Variants in ITGB3BP observed in about 807,000 individuals in gnomAD.
ITGB3BP encodes the protein centromere protein R.
A neutral mutation model predicts 29.1 loss-of-function variants in ITGB3BP; 27 were observed. The observed-to-expected ratio is 0.93, with a 90% CI of 0.68 to 1.28. ITGB3BP has a LOEUF of 1.28. Among genes scored for constraint, ITGB3BP ranks in the 50% most tolerant of loss-of-function variants. The pLI is 0.00. For synonymous variants in ITGB3BP, 61 were observed against 61.4 expected (o/e 0.99, Z 0.03); for missense variants, 192 against 200.2 (o/e 0.96, Z 0.25).
intron 2 of ITGB3BP, among the ~76,000 whole-genome samples, chr1:63,503,143 T>C (rs1645981819): frequency 6.6e-6 from 1 of 152,122 alleles, no homozygotes; most frequent in African/African-American, 2.4e-5. Context: ...ACTGTAAAAG[T>C]GTTCCTATTT....
At chr1:63,459,532 A>C (rs1644982943) in intron 4 of ITGB3BP, among the ~76,000 whole-genome samples, 1 of 152,150 alleles carries the variant, frequency 6.6e-6, no homozygotes, top group Non-Finnish European at 1.5e-5. Context: ...ATTTTGGATG[A>C]CAGTTGAATT....
At chr1:63,475,867 G>C (rs925910212) in intron 4 of ITGB3BP, among the ~76,000 whole-genome samples, 1 of 151,474 alleles carries the variant, frequency 6.6e-6, no homozygotes, top group Non-Finnish European at 1.5e-5. Context: ...GCATGGTAGC[G>C]GGTGCCTGTA....
At chr1:63,467,230 A>G (rs1005180869) in intron 4 of ITGB3BP, among the ~76,000 whole-genome samples, 1 of 67,070 alleles carries the variant, frequency 1.5e-5, no homozygotes, top group Non-Finnish European at 3.3e-5. Flanking sequence ...CTTGTTTTGT[A>G]GTAGTTTATA....
intron 4 of ITGB3BP, among the ~76,000 whole-genome samples, chr1:63,475,935 T>C (rs1645330790): frequency 1.3e-5 from 2 of 148,302 alleles, no homozygotes; most frequent in South Asian, 4.3e-4. Context: ...GAGGCGGAGG[T>C]TGCAGTGAGA....
chr1:63,443,722 G>T (rs370190544), intron 8 of ITGB3BP, among the ~76,000 whole-genome samples: 34 of 152,212 alleles, frequency 2.2e-4, no homozygotes, highest in African/African-American at 7.5e-4. Context: ...TGGTACAGTG[G>T]GTGTGGAAAG....
At chr1:63,519,625 T>C (rs1250449569) in intron 1 of ITGB3BP, among the ~76,000 whole-genome samples, 1 of 152,114 alleles carries the variant, frequency 6.6e-6, no homozygotes, top group Non-Finnish European at 1.5e-5. Flanking sequence ...TAAAAGAAAT[T>C]ATATAACTTT....
chr1:63,448,087 C>G (rs1570115738), intron 7 of ITGB3BP, among the ~76,000 whole-genome samples: 1 of 148,016 alleles, frequency 6.8e-6, no homozygotes, highest in Non-Finnish European at 1.5e-5. Flanking sequence ...GGACAAAAAA[C>G]CAAACACCGC....
intron 8 of ITGB3BP, among the ~76,000 whole-genome samples, chr1:63,441,347 C>G (rs952386859): frequency 1.3e-5 from 2 of 152,148 alleles, no homozygotes; most frequent in Admixed American, 6.5e-5. Flanking sequence ...AAGTGATTCT[C>G]CTGCCTCAGT....
intron 8 of ITGB3BP, among the ~76,000 whole-genome samples, chr1:63,444,465 AGG>A (rs1420493362): frequency 1.3e-3 from 13 of 10,206 alleles, no homozygotes; most frequent in African/African-American, 7.9e-3. Flanking sequence ...TATTACATAT[AGG>A]ATATATATAT....
At chr1:63,480,197 G>A (rs1191217867) in intron 3 of ITGB3BP, among the ~76,000 whole-genome samples, 2 of 152,050 alleles carry the variant, frequency 1.3e-5, no homozygotes, top group Non-Finnish European at 2.9e-5. Context: ...AGATGCACAC[G>A]TGAAGACATA....
At chr1:63,525,773 AT>A, upstream of ITGB3BP, 2 of 1,517,870 alleles carry the variant, frequency 1.3e-6, no homozygotes, top group Non-Finnish European at 1.8e-6. Flanking sequence ...AATTTTTAAA[AT>A]TTTTAAATCT....
At chr1:63,504,566 G>A (rs957111804) in intron 2 of ITGB3BP, among the ~76,000 whole-genome samples, 25 of 152,192 alleles carry the variant, frequency 1.6e-4, no homozygotes, top group African/African-American at 5.8e-4. Flanking sequence ...GGAGTGGTGA[G>A]AGAGGGCATC....
chr1:63,493,454 A>AAACCAACC (rs1553164339), intron 2 of ITGB3BP, among the ~76,000 whole-genome samples: 1 of 144,268 alleles, frequency 6.9e-6, no homozygotes, highest in East Asian at 2.0e-4. Flanking sequence ...ACAAACAAAC[A>AAACCAACC]AACCTGCTTG....
At chr1:63,508,920 A>G (rs1273846367) in intron 1 of ITGB3BP, among the ~76,000 whole-genome samples, 2 of 152,312 alleles carry the variant, frequency 1.3e-5, no homozygotes, top group Non-Finnish European at 2.9e-5. Context: ...CACTATTACA[A>G]TATCATATAT....
intron 2 of ITGB3BP, among the ~76,000 whole-genome samples, chr1:63,528,654 C>CA (rs1451523739): frequency 1.3e-5 from 2 of 151,656 alleles, no homozygotes; most frequent in African/African-American, 4.8e-5. Context: ...ATACCTGTAT[C>CA]AAAAAATCTC....
At chr1:63,496,961 T>C (rs2100712337) in intron 2 of ITGB3BP, among the ~76,000 whole-genome samples, 1 of 152,264 alleles carries the variant, frequency 6.6e-6, no homozygotes, top group South Asian at 2.1e-4. Context: ...AATCCTAGAG[T>C]ACTAGACTTG....
chr1:63,515,592 C>T (rs1646297473), intron 1 of ITGB3BP, among the ~76,000 whole-genome samples: 1 of 151,930 alleles, frequency 6.6e-6, no homozygotes, highest in African/African-American at 2.4e-5. Context: ...CTTTGGGAGG[C>T]TGAGGTGGGC....
chr1:63,474,212 C>G (rs1251973664), intron 4 of ITGB3BP, among the ~76,000 whole-genome samples: 1 of 135,750 alleles, frequency 7.4e-6, no homozygotes, highest in Non-Finnish European at 1.6e-5. Flanking sequence ...TGCCCGGCCG[C>G]CCCTACTGGG....
At chr1:63,497,229 G>A (rs898277476) in intron 2 of ITGB3BP, among the ~76,000 whole-genome samples, 4 of 152,064 alleles carry the variant, frequency 2.6e-5, no homozygotes, top group African/African-American at 9.7e-5. Context: ...CACTTGAGTC[G>A]AGGAGTTCGA....
Sources: allele counts gnomAD v4.1 joint callset (sites outside exome capture counted in the v4.1 genomes callset), GRCh38; gene constraint gnomAD v4.1.1; transcripts MANE v1.5; gene names NCBI Gene and HGNC (gene_info 2026-07-23, HGNC 2026-07-21).